The following GRXCR1 variants were observed in gnomAD, a reference collection of about 807,000 sequenced individuals.
GRXCR1 encodes the protein glutaredoxin domain-containing cysteine-rich protein 1.
In GRXCR1, 27 loss-of-function variants were observed where a neutral mutation model predicts 27.3. The observed-to-expected ratio is 0.99, with a 90% confidence interval of 0.73 to 1.37. The LOEUF (loss-of-function observed/expected upper bound fraction) is 1.37. Among genes scored for constraint, GRXCR1 ranks in the 40% most tolerant of loss-of-function variants. The pLI, the probability that GRXCR1 is intolerant of heterozygous loss-of-function variation, is 0.00. For missense variants in GRXCR1, 379 were observed against 354.4 expected (o/e 1.07, Z -0.56); for synonymous variants, 122 against 131.1 (o/e 0.93, Z 0.47).
At chr4:43,009,852 A>C (rs151259630) in intron 2 of GRXCR1, among the ~76,000 whole-genome samples, 283 of 152,226 alleles carry the variant, frequency 1.9e-3, no homozygotes, top group African/African-American at 4.7e-3. Flanking sequence ...ACATTTCTCT[A>C]TATATATTTT....
chr4:42,896,237 GAA>G (rs1746344089), intron 1 of GRXCR1, among the ~76,000 whole-genome samples: 5 of 152,146 alleles, frequency 3.3e-5, no homozygotes, highest in Admixed American at 3.3e-4. Context: ...CAACTGCACA[GAA>G]AAAAGTCATT....
intron 1 of GRXCR1, among the ~76,000 whole-genome samples, chr4:42,920,284 A>G (rs1309990353): frequency 1.3e-5 from 2 of 152,140 alleles, no homozygotes; most frequent in African/African-American, 4.8e-5. Flanking sequence ...TACCTCAACT[A>G]AAGAGAATGT....
At chr4:42,969,616 C>T (rs1022241933) in intron 2 of GRXCR1, among the ~76,000 whole-genome samples, 8 of 152,106 alleles carry the variant, frequency 5.3e-5, no homozygotes, top group East Asian at 3.9e-4. Context: ...AACCAGATCT[C>T]GTGAGAACCT....
intron 3 of GRXCR1, among the ~76,000 whole-genome samples, chr4:43,028,317 T>C (rs1713320489): frequency 6.6e-6 from 1 of 152,230 alleles, no homozygotes; most frequent in Non-Finnish European, 1.5e-5. Flanking sequence ...ATTTAGTACA[T>C]ACTTAAACAA....
At chr4:43,002,007 G>C (rs1159861760) in intron 2 of GRXCR1, among the ~76,000 whole-genome samples, 1 of 152,218 alleles carries the variant, frequency 6.6e-6, no homozygotes, top group Non-Finnish European at 1.5e-5. Flanking sequence ...GCGGAGTAAA[G>C]AATAACAAGG....
At chr4:42,966,585 T>C (rs1748242555) in intron 2 of GRXCR1, among the ~76,000 whole-genome samples, 1 of 152,088 alleles carries the variant, frequency 6.6e-6, no homozygotes, top group Admixed American at 6.6e-5. Flanking sequence ...ACTCACAAAA[T>C]TTCTCAGCAG....
At chr4:42,910,245 G>A (rs1297696473) in intron 1 of GRXCR1, among the ~76,000 whole-genome samples, 1 of 152,016 alleles carries the variant, frequency 6.6e-6, no homozygotes, top group African/African-American at 2.4e-5. Context: ...CAACAACTGG[G>A]GAATACAATT....
chr4:43,005,640 T>C (rs1251348864), intron 2 of GRXCR1, among the ~76,000 whole-genome samples: 1 of 152,156 alleles, frequency 6.6e-6, no homozygotes, highest in Admixed American at 6.5e-5. Flanking sequence ...GAATTTTGCC[T>C]TGCTGTACTG....
intron 3 of GRXCR1, 131 bp downstream of exon 3, chr4:43,020,550 T>C (rs1713062223): frequency 1.4e-6 from 1 of 703,386 alleles, no homozygotes; most frequent in African/African-American, 1.8e-5. Flanking sequence ...CATGTGGCAG[T>C]TTTAATTTGA....
At chr4:42,949,941 A>G (rs1037439188) in intron 1 of GRXCR1, among the ~76,000 whole-genome samples, 3 of 152,204 alleles carry the variant, frequency 2.0e-5, no homozygotes, top group Non-Finnish European at 4.4e-5. Flanking sequence ...TCACACTGAC[A>G]TTTATGAAAG....
At chr4:42,928,032 C>A (rs930154331) in intron 1 of GRXCR1, among the ~76,000 whole-genome samples, 1 of 151,948 alleles carries the variant, frequency 6.6e-6, no homozygotes, top group East Asian at 1.9e-4. Flanking sequence ...GGCAAGGAAT[C>A]TGGCATATTT....
intron 2 of GRXCR1, among the ~76,000 whole-genome samples, chr4:43,017,116 G>A (rs2109805580): frequency 6.6e-6 from 1 of 152,280 alleles, no homozygotes; most frequent in South Asian, 2.1e-4. Flanking sequence ...AAGATGCAAT[G>A]CTGAGATTTA....
chr4:43,005,775 C>T (rs910476018), intron 2 of GRXCR1, among the ~76,000 whole-genome samples: 1 of 152,180 alleles, frequency 6.6e-6, no homozygotes, highest in Non-Finnish European at 1.5e-5. Context: ...CTTGAGAATT[C>T]TTGTCTACTG....
At chr4:42,962,722 T>C (rs2109774842) in intron 1 of GRXCR1, among the ~76,000 whole-genome samples, 170 bp from the exon 2 acceptor site, 1 of 152,182 alleles carries the variant, frequency 6.6e-6, no homozygotes, top group South Asian at 2.1e-4. Context: ...TTGATTGCTA[T>C]CTGTATCCCA....
chr4:42,953,341 T>C (rs1016908740), intron 1 of GRXCR1, among the ~76,000 whole-genome samples: 54 of 152,102 alleles, frequency 3.6e-4, no homozygotes, highest in African/African-American at 1.3e-3. Context: ...AAGCAATAAG[T>C]CTTCCACCCG....
At chr4:42,987,402 C>A (rs941931890) in intron 2 of GRXCR1, among the ~76,000 whole-genome samples, 2 of 150,798 alleles carry the variant, frequency 1.3e-5, no homozygotes, top group African/African-American at 4.9e-5. Flanking sequence ...CCTGCCTCAG[C>A]CTCCTGAGTA....
chr4:42,909,788 G>C (rs1746677133), intron 1 of GRXCR1, among the ~76,000 whole-genome samples: 1 of 152,094 alleles, frequency 6.6e-6, no homozygotes, highest in Non-Finnish European at 1.5e-5. Flanking sequence ...ATGTTTCTCT[G>C]TAGCATTTAT....
At chr4:42,952,823 C>T (rs1747915803) in intron 1 of GRXCR1, among the ~76,000 whole-genome samples, 1 of 152,054 alleles carries the variant, frequency 6.6e-6, no homozygotes, top group Admixed American at 6.6e-5. Flanking sequence ...CCAGAAGTCT[C>T]AGTCACTGAA....
chr4:42,942,659 A>G (rs1747651166), intron 1 of GRXCR1, among the ~76,000 whole-genome samples: 1 of 152,122 alleles, frequency 6.6e-6, no homozygotes, highest in Middle Eastern at 3.2e-3. Flanking sequence ...CAGGGTTACT[A>G]TAACAAAATT....
Sources: gnomAD v4.1 joint callset for allele counts (sites outside exome capture counted in the v4.1 genomes callset) on GRCh38, gnomAD v4.1.1 for gene constraint, MANE v1.5 for transcripts, NCBI Gene and HGNC (gene_info 2026-07-23, HGNC 2026-07-21) for gene names.